The following TBCD variants were observed in gnomAD, a reference collection of about 807,000 sequenced individuals.
TBCD encodes the protein tubulin-specific chaperone D.
In TBCD, 105 loss-of-function variants were observed where a neutral mutation model predicts 169.3. That is an observed-to-expected ratio of 0.62 (90% CI 0.53 to 0.73). The LOEUF (loss-of-function observed/expected upper bound fraction) is 0.73. Ranked by LOEUF, TBCD falls within the 30% of genes least tolerant of loss-of-function variation. The pLI is 0.00. For missense variants in TBCD, 1,444 were observed against 1,600.1 expected (o/e 0.90, Z 1.66); for synonymous variants, 700 against 643.9 (o/e 1.09, Z -1.32).
At position 82,922,726 on chromosome 17, in the gene TBCD, GC is replaced by G. The variant is rs1265422349; in HGVS notation, c.2179-925del. On this transcript the variant is annotated intron_variant, in intron 25 of 38. Transcript: ENST00000355528. The surrounding 1 kb of genome is among the most constrained non-coding windows in gnomAD (Gnocchi z 4.1). ...TGGAATGCAGCACCCTGTAGACGAC[GC>G]ACCTCCTCTGCTCATGGCCCCCACC... Among the ~76,000 whole-genome samples, 12 of 152,314 alleles carry G rather than the reference GC, an allele frequency of 7.9e-5. No individual in the cohort carries two copies. The East Asian group carries it at 2.1e-3, about 27-fold the overall frequency.
intron 16 of TBCD, among the ~76,000 whole-genome samples, chr17:82,891,029 G>A (rs1270340685): frequency 6.6e-6 from 1 of 152,242 alleles, no homozygotes; most frequent in African/African-American, 2.4e-5. Context: ...CCCCACTGGA[G>A]AGGGGCGTGC....
At chr17:82,886,462 TGAG>T (rs2058712324) in intron 15 of TBCD, among the ~76,000 whole-genome samples, 1 of 151,750 alleles carries the variant, frequency 6.6e-6, no homozygotes, top group Non-Finnish European at 1.5e-5. Flanking sequence ...TTGTTCATCA[TGAG>T]GAAGGGAGAT....
At position 82,752,311 on chromosome 17, in the gene TBCD, C is replaced by T. The variant is rs1443442685; in HGVS notation, c.118C>T (p.Leu40=). The stretch of plus-strand genomic sequence containing the variant: ...CGAGAGCGCGGAGACCCGGGCGCTG[C>T]TGGGCCGCCTGCGGGAGGTGCACGG... ...FGESAETRAL[L]GRLREVHGGG... is the part of the protein sequence containing the mutation. Residue 40 remains leucine, a synonymous_variant, in exon 1 of 39, where the codon CTG becomes TTG. Coordinates refer to ENST00000355528, the MANE Select transcript of TBCD (RefSeq NM_005993.5). 2.4e-5 allele frequency: 36 copies of T among 1,487,936 alleles called. No individual in the cohort carries two copies. The highest frequency in any genetic ancestry group is 3.1e-5 in the Non-Finnish European group (35 of 1,127,530). The allele number at this position is 1,487,936 out of a possible 1,614,324, so 92.2% of individuals were successfully genotyped here.
rs771003321 is a variant in TBCD, at chr17:82,887,131, CTGTGTGTGTGTGTGTGTGTG to C, written c.1534-2518_1534-2499del. ...CTTCTTCCTTGGTTTTACCTGTACT[CTGTGTGTGTGTGTGTGTGTG>C]TGTGTGTGTGTGTGTGTGCGCGCGC... On this transcript the variant is annotated intron_variant, in intron 15 of 38. Transcript: ENST00000355528. 1.9e-4 allele frequency among the ~76,000 whole-genome samples: 24 copies of C among 123,364 alleles called. 1 individual carries two copies. The highest frequency in any genetic ancestry group is 6.2e-4 in the Admixed American group (8 of 12,874). The allele number at this position is 123,364 out of a possible 152,430, so 80.9% of individuals were successfully genotyped here. A position where few individuals can be genotyped will look rare whatever the true frequency, so the allele number is the denominator to read the frequency against.
intron 14 of TBCD, among the ~76,000 whole-genome samples, chr17:82,872,365 T>A (rs1426897549): frequency 6.6e-6 from 1 of 152,214 alleles, no homozygotes; most frequent in Non-Finnish European, 1.5e-5. Context: ...CTCTCCCCAG[T>A]GGCCACTCTG....
intron 7 of TBCD, among the ~76,000 whole-genome samples, chr17:82,797,040 G>A (rs1035741249): frequency 4.6e-5 from 7 of 152,190 alleles, no homozygotes; most frequent in Non-Finnish European, 7.3e-5. Flanking sequence ...ATTCATTCGC[G>A]TTTTCTTAGA....
At chr17:82,897,815 G>A (rs145090078) in intron 17 of TBCD, among the ~76,000 whole-genome samples, 1 of 152,202 alleles carries the variant, frequency 6.6e-6, no homozygotes, top group East Asian at 1.9e-4. Context: ...TTCCTCAGTG[G>A]TTCTCACTGT....
In TBCD at chr17:82,758,419, A is replaced by T. The variant is rs868027920; in HGVS notation, c.235+2204A>T. ...AAAAAAAAAATAAATAAATAAATAAATTTTTTTTTTTGTAGAGAAGGGGTC... is the reference window on the plus strand; with the variant it reads ...AAAAAAAAAATAAATAAATAAATAATTTTTTTTTTTTGTAGAGAAGGGGTC... On this transcript the variant is annotated intron_variant, in intron 2 of 38. Coordinates refer to ENST00000355528, the MANE Select transcript of TBCD (RefSeq NM_005993.5). 1.0e-2 allele frequency among the ~76,000 whole-genome samples: 1,353 copies of T among 135,456 alleles called. 12 individuals carry two copies. Among genetic ancestry groups the T allele is most frequent in the Non-Finnish European group, 0.018 (1,097 of 62,516 alleles). The allele number at this position is 135,456 out of a possible 152,430, so 88.9% of individuals were successfully genotyped here.
In TBCD at chr17:82,930,773, C is replaced by T; in HGVS notation, c.3113+130C>T. On this transcript the variant is annotated intron_variant, in intron 33 of 38. Transcript: ENST00000355528. This position sits in a 1 kb window ranked among gnomAD's most constrained non-coding sequence, Gnocchi z 5.2. ...GGGAGAAGCGAGACACACGCTGTAC[C>T]AGTTGGTGGCTCAGCGAGGAAGATG... 7.1e-7 allele frequency: 1 copy of T among 1,413,742 alleles called. No individual in the cohort carries two copies. The highest frequency in any genetic ancestry group is 2.1e-5 in the Admixed American group (1 of 46,792). 87.6% of individuals were successfully genotyped at this position (1,413,742 alleles called of 1,614,324 possible).
At position 82,880,497 on chromosome 17, in the gene TBCD, T is replaced by A. The variant is rs1226396367; in HGVS notation, c.1476-3648T>A. 6.6e-6 allele frequency among the ~76,000 whole-genome samples: 1 copy of A among 152,210 alleles called. No individual in the cohort carries two copies. Among genetic ancestry groups the A allele is most frequent in the African/African-American group, 2.4e-5 (1 of 41,446 alleles). On this transcript the variant is annotated intron_variant, in intron 14 of 38. Transcript: ENST00000355528. This position sits in a 1 kb window ranked among gnomAD's most constrained non-coding sequence, Gnocchi z 5.0. ...CTGAAGACAAGGGTGGGGACAGATATGCTGTGACCAGGGTAGTTGGGCTTA... is the reference window on the plus strand; with the variant it reads ...CTGAAGACAAGGGTGGGGACAGATAAGCTGTGACCAGGGTAGTTGGGCTTA...
intron 13 of TBCD, chr17:82,858,749 G>A: frequency 1.3e-6 from 1 of 744,212 alleles, no homozygotes; most frequent in Non-Finnish European, 1.6e-6. Flanking sequence ...AGTGTGTGAA[G>A]GGCCTGTCGG....
rs766375464 is a variant in TBCD at position 82,927,163 on chromosome 17, A to G, written c.2472-23A>G. ...TGAGGCTCACCGATGTTTGTTTGTTAGCTCACACATTTTAAATTTCAGGAT... is the reference window on the plus strand; with the variant it reads ...TGAGGCTCACCGATGTTTGTTTGTTGGCTCACACATTTTAAATTTCAGGAT... On this transcript the variant is annotated intron_variant, in intron 28 of 38. Coordinates refer to ENST00000355528, the MANE Select transcript of TBCD (RefSeq NM_005993.5). 1.4e-5 allele frequency: 22 copies of G among 1,613,734 alleles called. No individual in the cohort carries two copies. In the African/African-American group the frequency reaches 1.9e-4, roughly 14 times the overall value.
rs1464184301 is a variant in TBCD at position 82,880,634 on chromosome 17, G to T, written c.1476-3511G>T. Among the ~76,000 whole-genome samples, 2 of 151,932 alleles carry T rather than the reference G, an allele frequency of 1.3e-5. No homozygotes were observed. The highest frequency in any genetic ancestry group is 4.8e-5 in the African/African-American group (2 of 41,346). ...GGCCCTCAGGGCAGGTAGCGGGTGG[G>T]CCTCCGTGGTGTTGGGAGGTGCTGG... is the stretch of plus-strand genomic sequence containing the variant. On this transcript the variant is annotated intron_variant, in intron 14 of 38. Coordinates refer to ENST00000355528, the MANE Select transcript of TBCD (RefSeq NM_005993.5). This position sits in a 1 kb window ranked among gnomAD's most constrained non-coding sequence, Gnocchi z 5.0.
At chr17:82,829,149 G>A (rs2145209852) in intron 13 of TBCD, among the ~76,000 whole-genome samples, 1 of 151,642 alleles carries the variant, frequency 6.6e-6, no homozygotes, top group East Asian at 1.9e-4. Context: ...AATAGAATGT[G>A]CACACACCCG....
At position 82,922,238 on chromosome 17, in the gene TBCD, G is replaced by A. The variant is rs1269929164; in HGVS notation, c.2178+661G>A. ...TAGCGGGGCGAGGTGGCGCGTGCCT[G>A]TAATCCCAGCTACTCAAGAGGCTGA... On this transcript the variant is annotated intron_variant, in intron 25 of 38. Transcript: ENST00000355528. The surrounding 1 kb of genome is among the most constrained non-coding windows in gnomAD (Gnocchi z 4.1). Among the ~76,000 whole-genome samples the A allele has an allele frequency of 6.6e-6, 1 of 152,216 alleles. No individual in the cohort carries two copies. The highest frequency in any genetic ancestry group is 1.5e-5 in the Non-Finnish European group (1 of 68,038).
intron 13 of TBCD, among the ~76,000 whole-genome samples, chr17:82,846,268 C>CCACG (rs1567878900): frequency 1.2e-4 from 17 of 143,362 alleles, no homozygotes; most frequent in East Asian, 2.0e-4. Context: ...GTCCTCTGTG[C>CCACG]TGTGTCCTCT....
At chr17:82,893,258 G>A (rs67813226) in intron 16 of TBCD, 109,741 of 438,334 alleles carry the variant, frequency 0.25, 14,816 homozygotes, top group East Asian at 0.45. Context: ...TTCGGGAAAG[G>A]TCTCTTACCA....
intron 34 of TBCD, among the ~76,000 whole-genome samples, chr17:82,933,153 C>T (rs528354274): frequency 8.2e-4 from 125 of 152,230 alleles, no homozygotes; most frequent in African/African-American, 2.9e-3. Flanking sequence ...GATTGGAGCT[C>T]CTTGCTTCTG....
In TBCD at chr17:82,930,427, C is replaced by G; in HGVS notation, c.2992-95C>G. 1 of 1,514,106 alleles carries G rather than the reference C, an allele frequency of 6.6e-7. No homozygotes were observed. The highest frequency in any genetic ancestry group is 8.8e-7 in the Non-Finnish European group (1 of 1,131,504). The allele number at this position is 1,514,106 out of a possible 1,614,324, so 93.8% of individuals were successfully genotyped here. On this transcript the variant is annotated intron_variant, in intron 32 of 38. Transcript: ENST00000355528. This position sits in a 1 kb window ranked among gnomAD's most constrained non-coding sequence, Gnocchi z 5.2. ...CGCGTCTCTGCAGCTCGGAGCAGTT[C>G]TGCTCTTCAGCAGATGCTTGACCGG...
Sources: gnomAD v4.1 joint callset for allele counts (sites outside exome capture counted in the v4.1 genomes callset) on GRCh38, gnomAD v4.1.1 for gene constraint, Gnocchi (gnomAD v3.1) non-coding constraint, MANE v1.5 for transcripts, NCBI Gene and HGNC (gene_info 2026-07-23, HGNC 2026-07-21) for gene names.